APC: variants seen among roughly 807,000 people sequenced by gnomAD.
APC encodes the protein adenomatous polyposis coli protein.
A neutral mutation model predicts 247.0 loss-of-function variants in APC; 72 were observed. That is an observed-to-expected ratio of 0.29 (90% CI 0.24 to 0.35). APC has a LOEUF of 0.35. Among genes scored for constraint, APC ranks in the 10% least tolerant of loss-of-function variants. The pLI, the probability that APC is intolerant of heterozygous loss-of-function variation, is 1.00. For missense variants in APC, 3,400 were observed against 3,360.7 expected (o/e 1.01, Z -0.29); for synonymous variants, 1,254 against 1,162.5 (o/e 1.08, Z -1.60).
intron 2 of APC, among the ~76,000 whole-genome samples, chr5:112,760,206 A>G (rs1444890887): frequency 6.6e-6 from 1 of 152,136 alleles, no homozygotes; most frequent in African/African-American, 2.4e-5. Context: ...AGGACTAGGT[A>G]TGAAAGAAAA....
intron 1 of APC, among the ~76,000 whole-genome samples, chr5:112,722,770 G>A (rs73216232): frequency 0.018 from 2,761 of 152,214 alleles, 101 homozygotes; most frequent in African/African-American, 0.062. Context: ...GGGCAGGGGC[G>A]CGGAGCTTCC....
chr5:112,758,622 C>T (rs191576848), intron 2 of APC, among the ~76,000 whole-genome samples: 1 of 152,202 alleles, frequency 6.6e-6, no homozygotes, highest in Non-Finnish European at 1.5e-5. Context: ...CCACGCCTGG[C>T]CCCCTCCCCA....
intron 7 of APC, among the ~76,000 whole-genome samples, chr5:112,793,388 C>G (rs189154850): frequency 4.9e-4 from 74 of 152,102 alleles, no homozygotes; most frequent in African/African-American, 1.6e-3. Flanking sequence ...CTGGAAGGAA[C>G]TTCTATAAGG....
intron 2 of APC, among the ~76,000 whole-genome samples, chr5:112,757,787 C>T (rs542801038): frequency 6.6e-6 from 1 of 152,150 alleles, no homozygotes; most frequent in South Asian, 2.1e-4. Flanking sequence ...CATCTAGTGG[C>T]AAAAGAGGAC....
chr5:112,775,567 G>T (rs2149613630), intron 4 of APC, 62 bp from the exon 5 acceptor site: 3 of 958,052 alleles, frequency 3.1e-6, no homozygotes, highest in Non-Finnish European at 4.9e-6. Context: ...TGTAAGTATT[G>T]CTCTTCTGCA....
chr5:112,813,520 T>TTAA (rs1287437745), intron 8 of APC, among the ~76,000 whole-genome samples: 5 of 152,188 alleles, frequency 3.3e-5, no homozygotes, highest in Non-Finnish European at 7.4e-5. Context: ...TCCTGACGAA[T>TTAA]CACTTAGGAA....
intron 1 of APC, among the ~76,000 whole-genome samples, chr5:112,709,615 T>G (rs1379584156): frequency 6.6e-6 from 1 of 152,156 alleles, no homozygotes; most frequent in Non-Finnish European, 1.5e-5. Flanking sequence ...AACCTCTCAC[T>G]TTGGCAGGGT....
chr5:112,752,090 T>A (rs967163753), intron 1 of APC, among the ~76,000 whole-genome samples: 2 of 152,120 alleles, frequency 1.3e-5, no homozygotes, highest in Admixed American at 6.5e-5. Flanking sequence ...TCTGATAGAT[T>A]ATATCTTCTA....
At chr5:112,818,833 T>G in intron 9 of APC, 133 bp from the exon 10 acceptor site, 2 of 596,962 alleles carry the variant, frequency 3.4e-6, no homozygotes, top group Non-Finnish European at 5.2e-6. Context: ...TCCGGTTTTT[T>G]GTTTTTTTTT....
chr5:112,811,130 G>A (rs141549869), intron 8 of APC, among the ~76,000 whole-genome samples: 31 of 152,308 alleles, frequency 2.0e-4, no homozygotes, highest in African/African-American at 6.7e-4. Flanking sequence ...TATTTATAAA[G>A]CATTGAATGT....
At chr5:112,829,428 G>A (rs1049235756) in intron 14 of APC, 6 of 171,886 alleles carry the variant, frequency 3.5e-5, no homozygotes, top group East Asian at 1.6e-4. Context: ...AAGCCATCAC[G>A]CCCAGCCTAG....
Position 112,731,742 on chromosome 5 carries a change from ATTC to A in APC, c.165+23865_165+23867del, listed in dbSNP as rs1752109568. Among the ~76,000 whole-genome samples, 6 of 152,048 alleles carry A rather than the reference ATTC, an allele frequency of 3.9e-5. No individual in the cohort carries two copies. In the South Asian group the frequency reaches 1.2e-3, roughly 32 times the overall value. Reference sequence around the variant, plus strand: ...CTTTGATCATTTGATATACTAAAACATTCTTCTGGGTTTTTTTGGTTTTGTTTT... The same window carrying A: ...CTTTGATCATTTGATATACTAAAACATTCTGGGTTTTTTTGGTTTTGTTTT... On this transcript the variant is annotated intron_variant, in intron 1 of 13. Coordinates refer to the APC transcript ENST00000507379.
Position 112,839,049 on chromosome 5 carries a change from A to G in APC, c.3455A>G (p.Gln1152Arg), listed in dbSNP as rs1187714969. 6.2e-7 allele frequency: 1 copy of G among 1,614,120 alleles called. No homozygotes were observed. Reference sequence around the variant, plus strand: ...AGTGAACGTTACTCTGAAGAAGAACAGCATGAAGAAGAAGAGAGACCAACA... The same window carrying G: ...AGTGAACGTTACTCTGAAGAAGAACGGCATGAAGAAGAAGAGAGACCAACA... ...NYSERYSEEE[Q>R]HEEEERPTNY... Residue 1152 changes from glutamine (Q) to arginine (R), a missense_variant, in exon 16 of 16, where the codon CAG becomes CGG. Around this residue, in one of 9 missense-constraint regions of APC, gnomAD observed 715 missense variants for 656.6 expected, o/e 1.09. Coordinates refer to ENST00000257430, the MANE Select transcript of APC (RefSeq NM_000038.6). The surrounding 1 kb of genome is among the most constrained non-coding windows in gnomAD (Gnocchi z 5.0).
rs1223298182 is a variant in APC, at chr5:112,707,898, G to C, written c.165+16G>C. ...CGTCTGGCAGGTGAGTGAGGCTGCAGGCATTGACGTCTCCTCCCGGCAAAG... is the reference window on the plus strand; with the variant it reads ...CGTCTGGCAGGTGAGTGAGGCTGCACGCATTGACGTCTCCTCCCGGCAAAG... On this transcript the variant is annotated intron_variant, in intron 1 of 13. Transcript: ENST00000507379. 2 of 1,361,194 alleles carry C rather than the reference G, an allele frequency of 1.5e-6. No individual in the cohort carries two copies. Among genetic ancestry groups the C allele is most frequent in the Non-Finnish European group, 1.9e-6 (2 of 1,033,358 alleles). 84.3% of individuals were successfully genotyped at this position (1,361,194 alleles called of 1,614,324 possible).
At position 112,839,343 on chromosome 5, in the gene APC, A is replaced by G. The variant is rs771159136; in HGVS notation, c.3749A>G (p.Lys1250Arg). Reference sequence around the variant, plus strand: ...CAGCCTCAAAAGGCTGCCACTTGCAAAGTTTCTTCTATTAACCAAGAAACA... The same window carrying G: ...CAGCCTCAAAAGGCTGCCACTTGCAGAGTTTCTTCTATTAACCAAGAAACA... Reference protein sequence around the residue: ...SGQPQKAATCKVSSINQETIQ... With the variant: ...SGQPQKAATCRVSSINQETIQ... Residue 1250 changes from lysine to arginine, a missense_variant, in exon 16 of 16, where the codon AAA becomes AGA. Physicochemically the swap from Lys to Arg is conservative, Grantham distance 26. This residue lies in a region of APC where 715 missense variants were observed against 656.6 expected (regional missense o/e 1.09). Coordinates refer to ENST00000257430, the MANE Select transcript of APC (RefSeq NM_000038.6). This position sits in a 1 kb window ranked among gnomAD's most constrained non-coding sequence, Gnocchi z 5.0. 1.2e-6 allele frequency: 2 copies of G among 1,613,010 alleles called. No individual in the cohort carries two copies. The highest frequency in any genetic ancestry group is 2.2e-5 in the East Asian group (1 of 44,888).
intron 4 of APC, among the ~76,000 whole-genome samples, chr5:112,768,025 G>A (rs1211251127): frequency 1.3e-5 from 2 of 151,390 alleles, no homozygotes; most frequent in East Asian, 2.0e-4. Flanking sequence ...TAGCCTGGGT[G>A]ACATAGTAAG....
At chr5:112,742,287 A>C (rs1191695125) in intron 1 of APC, among the ~76,000 whole-genome samples, 1 of 152,184 alleles carries the variant, frequency 6.6e-6, no homozygotes, top group Non-Finnish European at 1.5e-5. Context: ...TGAAGGCCGT[A>C]AGTTTTCTCC....
At chr5:112,818,856 T>TGTTTTGTTTTTTTTGAGTTATAGTAAATA in intron 9 of APC, 110 bp from the exon 10 acceptor site, 2 of 589,742 alleles carry the variant, frequency 3.4e-6, no homozygotes, top group Non-Finnish European at 5.0e-6. Flanking sequence ...GCGGGGGGGG[T>TGTTTTGTTTTTTTTGAGTTATAGTAAATA]TGTTTTGTTT....
chr5:112,737,398 T>C (rs1249178573), upstream of APC, among the ~76,000 whole-genome samples: 3 of 152,230 alleles, frequency 2.0e-5, no homozygotes, highest in Non-Finnish European at 4.4e-5. Context: ...AATTCAAATA[T>C]AATTCGAGTG....
Sources: gnomAD v4.1 joint callset for allele counts (sites outside exome capture counted in the v4.1 genomes callset) on GRCh38, gnomAD v4.1.1 for gene constraint, gnomAD v4.1.1 regional missense constraint, Gnocchi (gnomAD v3.1) non-coding constraint, MANE v1.5 for transcripts, NCBI Gene and HGNC (gene_info 2026-07-23, HGNC 2026-07-21) for gene names.